The following RBPJ variants were observed in gnomAD, a reference collection of about 807,000 sequenced individuals.
RBPJ encodes recombining binding protein suppressor of hairless.
RBPJ carries 9 observed loss-of-function variants against 67.8 expected under a neutral mutation model. The ratio of observed to expected loss-of-function variants is 0.13; its 90% CI spans 0.08 to 0.23. RBPJ has a LOEUF of 0.23. Among genes scored for constraint, RBPJ ranks in the 10% least tolerant of loss-of-function variants. The probability of loss-of-function intolerance (pLI) is 1.00; values close to 1 mark genes in which losing one functional copy is unlikely to be tolerated. For missense variants in RBPJ, 305 were observed against 595.6 expected (o/e 0.51, Z 5.08); for synonymous variants, 198 against 203.3 (o/e 0.97, Z 0.22).
chr4:26,340,017 T>TA (rs373424390), intron 1 of RBPJ, among the ~76,000 whole-genome samples: 64 of 143,530 alleles, frequency 4.5e-4, no homozygotes, highest in Middle Eastern at 3.6e-3. Flanking sequence ...AGACTCCATC[T>TA]AAAAAAAAAA....
At chr4:26,314,781 AT>A (rs1722547920), upstream of RBPJ, among the ~76,000 whole-genome samples, 1 of 152,102 alleles carries the variant, frequency 6.6e-6, no homozygotes, top group Admixed American at 6.6e-5. Context: ...GTATTTCTTT[AT>A]AGCAGTGCAA....
At chr4:26,429,307 T>C (rs1735985198) in intron 8 of RBPJ, among the ~76,000 whole-genome samples, 1 of 152,242 alleles carries the variant, frequency 6.6e-6, no homozygotes, top group Non-Finnish European at 1.5e-5. Context: ...TTACATTTAC[T>C]CAGAAGGCTT....
chr4:26,371,457 T>C (rs781771651), intron 1 of RBPJ, among the ~76,000 whole-genome samples: 3 of 152,166 alleles, frequency 2.0e-5, no homozygotes, highest in Non-Finnish European at 2.9e-5. Flanking sequence ...TAAGAAAAAA[T>C]ACTGCCCAGG....
intron 1 of RBPJ, among the ~76,000 whole-genome samples, chr4:26,188,441 CT>C (rs1295203277): frequency 1.3e-5 from 2 of 152,156 alleles, no homozygotes; most frequent in Non-Finnish European, 2.9e-5. Flanking sequence ...CTGAAGTATA[CT>C]AAAAAGGTCA....
intron 1 of RBPJ, among the ~76,000 whole-genome samples, chr4:26,355,829 C>T (rs1158965271): frequency 6.6e-6 from 1 of 152,170 alleles, no homozygotes; most frequent in African/African-American, 2.4e-5. Context: ...ATGTAACAGG[C>T]ATTTCCCAAG....
intron 2 of RBPJ, among the ~76,000 whole-genome samples, chr4:26,394,362 T>C (rs1731883441): frequency 1.3e-5 from 2 of 152,104 alleles, no homozygotes; most frequent in African/African-American, 2.4e-5. Context: ...AAAATTACAT[T>C]CTTTCAGGAT....
chr4:26,419,952 A>G (rs1417301629), intron 4 of RBPJ, among the ~76,000 whole-genome samples: 9 of 152,140 alleles, frequency 5.9e-5, no homozygotes, highest in Non-Finnish European at 4.4e-5. Flanking sequence ...AAAGTTAACC[A>G]TTTTAAAAAT....
chr4:26,397,336 G>A (rs1325967907), intron 2 of RBPJ, among the ~76,000 whole-genome samples: 2 of 152,142 alleles, frequency 1.3e-5, no homozygotes. Context: ...CCTTTTGGCA[G>A]CATCCCCAAG....
the RBPJ span, among the ~76,000 whole-genome samples, chr4:26,145,033 T>C: frequency 2.6e-5 from 4 of 151,318 alleles, no homozygotes. Context: ...TTCTTCTTTT[T>C]TTTTTTTTTT....
intron 1 of RBPJ, among the ~76,000 whole-genome samples, chr4:26,293,477 T>A (rs1243824454): frequency 2.0e-5 from 3 of 146,960 alleles, no homozygotes; most frequent in Non-Finnish European, 3.0e-5. Flanking sequence ...TCACAAAAAA[T>A]TTTTTTTAAT....
chr4:26,300,253 G>C (rs1174362836), intron 1 of RBPJ, among the ~76,000 whole-genome samples: 5 of 152,014 alleles, frequency 3.3e-5, no homozygotes, highest in African/African-American at 4.8e-5. Flanking sequence ...GGGCAGGGGT[G>C]GGGGTGGGTG....
chr4:26,210,763 C>CTTTCTTTCTTTG (rs1718385309), intron 1 of RBPJ, among the ~76,000 whole-genome samples: 1 of 115,552 alleles, frequency 8.7e-6, no homozygotes, highest in Non-Finnish European at 1.9e-5. Flanking sequence ...TTCTTTCTTT[C>CTTTCTTTCTTTG]TTTCTTTCTT....
At chr4:26,198,850 G>A (rs1577463538) in intron 1 of RBPJ, among the ~76,000 whole-genome samples, 1 of 152,078 alleles carries the variant, frequency 6.6e-6, no homozygotes, top group East Asian at 1.9e-4. Flanking sequence ...CTCACTTTTT[G>A]CTAAGTCTCA....
the RBPJ span, among the ~76,000 whole-genome samples, chr4:26,156,406 T>TTTTC: frequency 6.9e-6 from 1 of 144,340 alleles, no homozygotes; most frequent in East Asian, 2.1e-4. Context: ...TTGGAATTTC[T>TTTTC]TTTCTTTCTT....
chr4:26,247,990 A>T (rs1197909366), intron 1 of RBPJ, among the ~76,000 whole-genome samples: 1 of 152,092 alleles, frequency 6.6e-6, no homozygotes, highest in African/African-American at 2.4e-5. Flanking sequence ...GTGAATCTAA[A>T]ATTTTAAAAT....
At chr4:26,126,005 T>C in the RBPJ span, among the ~76,000 whole-genome samples, 1 of 152,138 alleles carries the variant, frequency 6.6e-6, no homozygotes, top group African/African-American at 2.4e-5. Flanking sequence ...TGGATATAGA[T>C]GTATCACTGC....
chr4:26,420,648 T>C lies in RBPJ; in HGVS notation c.419T>C (p.Ile140Thr). 1 of 1,614,052 alleles carries C rather than the reference T, an allele frequency of 6.2e-7. No homozygotes were observed. Among genetic ancestry groups the C allele is most frequent in the Non-Finnish European group, 8.5e-7 (1 of 1,179,936 alleles). Residue 140 changes from isoleucine (I) to threonine (T), a missense_variant, in exon 5 of 11, where the codon ATT (isoleucine) becomes ACT (threonine). By Grantham distance (89) the Ile-to-Thr change is moderately conservative (BLOSUM62 -1). This residue lies in a region of RBPJ where 79 missense variants were observed against 106.2 expected (regional missense o/e 0.74). Transcript: ENST00000355476. ...ATGTTCTATGGCAACAGTGATGACA[T>C]TGGTGTGTTCCTCAGCAAGCGGATA... ...VKMFYGNSDD[I>T]GVFLSKRIKV...
intron 1 of RBPJ, among the ~76,000 whole-genome samples, chr4:26,356,415 A>G (rs1727383418): frequency 6.6e-6 from 1 of 152,224 alleles, no homozygotes; most frequent in African/African-American, 2.4e-5. Flanking sequence ...GAATCTGTTT[A>G]GCTTCTTCCT....
At chr4:26,271,524 C>G (rs1720915668) in intron 1 of RBPJ, among the ~76,000 whole-genome samples, 1 of 152,000 alleles carries the variant, frequency 6.6e-6, no homozygotes, top group Admixed American at 6.6e-5. Flanking sequence ...GTCTCCTCTC[C>G]TGTGATCCCA....
Sources: allele counts gnomAD v4.1 joint callset (sites outside exome capture counted in the v4.1 genomes callset), GRCh38; gene constraint gnomAD v4.1.1; regional missense constraint gnomAD v4.1.1; transcripts MANE v1.5; gene names NCBI Gene and HGNC (gene_info 2026-07-23, HGNC 2026-07-21).